The following IGSF21 variants were observed in gnomAD, a reference collection of about 807,000 sequenced individuals.
The protein encoded by IGSF21 is immunoglobin superfamily member 21, also known as immunoglobulin superfamily member 21.
In IGSF21, 28 loss-of-function variants were observed where a neutral mutation model predicts 46.8. The observed-to-expected ratio is 0.60, with a 90% CI of 0.44 to 0.82. The LOEUF (loss-of-function observed/expected upper bound fraction) is 0.82. Among genes scored for constraint, IGSF21 ranks in the 40% least tolerant of loss-of-function variants. The probability of loss-of-function intolerance (pLI) is 0.00; values close to 1 mark genes in which losing one functional copy is unlikely to be tolerated. For missense variants in IGSF21, 624 were observed against 665.5 expected (o/e 0.94, Z 0.69); for synonymous variants, 284 against 273.6 (o/e 1.04, Z -0.38).
intron 4 of IGSF21, among the ~76,000 whole-genome samples, chr1:18,349,925 C>G (rs1317741663): frequency 1.3e-5 from 2 of 151,742 alleles, no homozygotes; most frequent in African/African-American, 4.8e-5. Context: ...ACAAATATAA[C>G]AAATCACACG....
chr1:18,359,489 AAGGAAGGAAGGAAGGAAGG>A (rs879266956), intron 4 of IGSF21, among the ~76,000 whole-genome samples: 8,515 of 147,486 alleles, frequency 0.058, 453 homozygotes, highest in Middle Eastern at 0.11. Flanking sequence ...GGAAGGAAGG[AAGGAAGGAAGGAAGGAAGG>A]AAGGAAAAGC....
intron 2 of IGSF21, among the ~76,000 whole-genome samples, chr1:18,232,429 T>G (rs1207263959): frequency 2.0e-5 from 3 of 152,210 alleles, no homozygotes; most frequent in African/African-American, 7.2e-5. Flanking sequence ...TTATTGAGCC[T>G]TTACTATGTG....
chr1:18,295,563 G>C (rs1276742209), intron 3 of IGSF21, among the ~76,000 whole-genome samples: 1 of 152,206 alleles, frequency 6.6e-6, no homozygotes, highest in African/African-American at 2.4e-5. Context: ...TAGATGGGTG[G>C]TCAGGCAGGG....
At chr1:18,360,699 C>T (rs1569875501) in intron 4 of IGSF21, among the ~76,000 whole-genome samples, 1 of 152,176 alleles carries the variant, frequency 6.6e-6, no homozygotes, top group Non-Finnish European at 1.5e-5. Flanking sequence ...GATTCTGGTT[C>T]CTGTCCTGCT....
intron 1 of IGSF21, among the ~76,000 whole-genome samples, chr1:18,190,956 CCTGCTGGGG>C (rs2086950602): frequency 6.6e-6 from 1 of 152,154 alleles, no homozygotes; most frequent in African/African-American, 2.4e-5. Context: ...CAGGGCCAGG[CCTGCTGGGG>C]CTGACACATC....
At position 18,340,735 on chromosome 1, in the gene IGSF21, C is replaced by T. The variant is rs2085824131; in HGVS notation, c.424+5725C>T. Among the ~76,000 whole-genome samples, 3 of 152,124 alleles carry T rather than the reference C, an allele frequency of 2.0e-5. No homozygotes were observed. The South Asian group carries it at 6.2e-4, about 32-fold the overall frequency. On this transcript the variant is annotated intron_variant, in intron 4 of 9. Coordinates refer to ENST00000251296, the MANE Select transcript of IGSF21 (RefSeq NM_032880.5). ...ATGCAAGGGAAAAATCCTTCCTTGTCCCTCTGCTTGCCTCTGGTGTTGCTG... is the reference window on the plus strand; with the variant it reads ...ATGCAAGGGAAAAATCCTTCCTTGTTCCTCTGCTTGCCTCTGGTGTTGCTG...
chr1:18,360,487 C>T (rs895607716), intron 4 of IGSF21, among the ~76,000 whole-genome samples: 1 of 152,166 alleles, frequency 6.6e-6, no homozygotes. Context: ...TCATTGGGCA[C>T]CTCCTGGCAG....
chr1:18,182,893 G>A (rs1442134607), intron 1 of IGSF21, among the ~76,000 whole-genome samples: 1 of 152,108 alleles, frequency 6.6e-6, no homozygotes, highest in African/African-American at 2.4e-5. Flanking sequence ...TCCAGGCCCC[G>A]CTGCCCTCAT....
chr1:18,339,177 G>A (rs1259108590), intron 4 of IGSF21, among the ~76,000 whole-genome samples: 2 of 152,188 alleles, frequency 1.3e-5, no homozygotes, highest in African/African-American at 4.8e-5. Flanking sequence ...CCCATTTTAC[G>A]GATGACGGAG....
At chr1:18,362,269 C>T (rs780563585) in intron 5 of IGSF21, 39 bp downstream of exon 5, 9 of 1,432,704 alleles carry the variant, frequency 6.3e-6, no homozygotes, top group Non-Finnish European at 7.8e-6. Flanking sequence ...TCCTATCTGC[C>T]GGACCACCCT....
At chr1:18,275,479 G>T (rs2085091686) in intron 2 of IGSF21, among the ~76,000 whole-genome samples, 1 of 152,254 alleles carries the variant, frequency 6.6e-6, no homozygotes, top group African/African-American at 2.4e-5. Flanking sequence ...GTGTCTTGGT[G>T]ATCAGACATG....
At chr1:18,252,252 G>T (rs996271616) in intron 2 of IGSF21, among the ~76,000 whole-genome samples, 1 of 151,794 alleles carries the variant, frequency 6.6e-6, no homozygotes, top group Admixed American at 6.6e-5. Context: ...GGGTTTCACC[G>T]TGTTATCAGG....
chr1:18,352,002 C>G (rs535267883), intron 4 of IGSF21, among the ~76,000 whole-genome samples: 32 of 152,324 alleles, frequency 2.1e-4, no homozygotes, highest in Admixed American at 1.6e-3. Context: ...AATCAGAAAA[C>G]TGGAGACATT....
chr1:18,362,928 C>T (rs566159013), intron 5 of IGSF21, among the ~76,000 whole-genome samples: 2 of 152,224 alleles, frequency 1.3e-5, no homozygotes, highest in East Asian at 1.9e-4. Flanking sequence ...GCAGGAAATG[C>T]CCCCTCCCCA....
chr1:18,305,325 T>TGATG (rs1002911365), intron 3 of IGSF21, among the ~76,000 whole-genome samples: 1 of 146,316 alleles, frequency 6.8e-6, no homozygotes, highest in Non-Finnish European at 1.5e-5. Flanking sequence ...GATGGATGGA[T>TGATG]GATGGATGGA....
At chr1:18,193,100 G>A (rs1196346926) in intron 1 of IGSF21, among the ~76,000 whole-genome samples, 4 of 152,036 alleles carry the variant, frequency 2.6e-5, no homozygotes, top group African/African-American at 7.2e-5. Flanking sequence ...AGGGAAGGGG[G>A]TGAGGGCTGT....
At chr1:18,313,704 G>T (rs1284425261) in intron 3 of IGSF21, among the ~76,000 whole-genome samples, 1 of 152,146 alleles carries the variant, frequency 6.6e-6, no homozygotes, top group Non-Finnish European at 1.5e-5. Flanking sequence ...GATTAATATT[G>T]CTCCCATTTT....
chr1:18,220,664 C>T (rs544704168), intron 1 of IGSF21, among the ~76,000 whole-genome samples: 1 of 152,076 alleles, frequency 6.6e-6, no homozygotes, highest in Non-Finnish European at 1.5e-5. Flanking sequence ...GCAGGAGAGG[C>T]AGGAGTGCTT....
intron 1 of IGSF21, among the ~76,000 whole-genome samples, chr1:18,163,185 A>G (rs2086643957): frequency 6.6e-6 from 1 of 152,104 alleles, no homozygotes; most frequent in Non-Finnish European, 1.5e-5. Context: ...CCCGTTTCCT[A>G]AACTATAAAG....
Sources: allele counts gnomAD v4.1 joint callset (sites outside exome capture counted in the v4.1 genomes callset), GRCh38; gene constraint gnomAD v4.1.1; transcripts MANE v1.5; gene names NCBI Gene and HGNC (gene_info 2026-07-23, HGNC 2026-07-21).